Variants in ATRNL1 observed in about 807,000 individuals in gnomAD.
ATRNL1 encodes attractin-like protein 1.
A neutral mutation model predicts 182.7 loss-of-function variants in ATRNL1; 95 were observed. That is an observed-to-expected ratio of 0.52 (90% CI 0.44 to 0.62). ATRNL1 has a LOEUF of 0.62. Ranked by LOEUF, ATRNL1 falls within the 20% of genes least tolerant of loss-of-function variation. The pLI is 0.00. For missense variants in ATRNL1, 1,471 were observed against 1,679.5 expected, an observed-to-expected ratio of 0.88 and a Z score of 2.17; for synonymous variants, 576 against 568.3, an observed-to-expected ratio of 1.01 and a Z score of -0.19.
At chr10:115,237,309 G>A (rs1446498066) in intron 9 of ATRNL1, among the ~76,000 whole-genome samples, 1 of 152,202 alleles carries the variant, frequency 6.6e-6, no homozygotes, top group African/African-American at 2.4e-5. Flanking sequence ...TTAGTTTTGT[G>A]AGAAACTGCC....
chr10:115,446,574 A>G (rs1427740195), intron 21 of ATRNL1, among the ~76,000 whole-genome samples: 1 of 151,918 alleles, frequency 6.6e-6, no homozygotes, highest in Non-Finnish European at 1.5e-5. Flanking sequence ...TGTCAAATTG[A>G]GATTTTGCTC....
At chr10:115,242,748 G>A (rs1169140243) in intron 10 of ATRNL1, among the ~76,000 whole-genome samples, 1 of 151,984 alleles carries the variant, frequency 6.6e-6, no homozygotes, top group Non-Finnish European at 1.5e-5. Flanking sequence ...GAAATTCCTA[G>A]TAGTAAAGTT....
At chr10:115,919,437 G>C (rs1344828154) in intron 28 of ATRNL1, among the ~76,000 whole-genome samples, 1 of 152,028 alleles carries the variant, frequency 6.6e-6, no homozygotes, top group Non-Finnish European at 1.5e-5. Context: ...TCAGTGATAG[G>C]TACAGAAGGC....
chr10:115,503,536 A>G (rs150264923), intron 24 of ATRNL1, among the ~76,000 whole-genome samples: 2 of 146,124 alleles, frequency 1.4e-5, no homozygotes, highest in Non-Finnish European at 2.9e-5. Flanking sequence ...TTAAAATCTC[A>G]TATAATTTAT....
chr10:115,534,211 G>A (rs1851802231), intron 25 of ATRNL1, among the ~76,000 whole-genome samples: 1 of 151,226 alleles, frequency 6.6e-6, no homozygotes, highest in South Asian at 2.1e-4. Context: ...GGGTGTTAAA[G>A]TCTCCCATTA....
intron 28 of ATRNL1, among the ~76,000 whole-genome samples, chr10:115,931,261 G>T (rs755279736): frequency 6.6e-6 from 1 of 151,822 alleles, no homozygotes; most frequent in Non-Finnish European, 1.5e-5. Context: ...TTAGGATTTC[G>T]GATTAAGAGA....
At chr10:115,344,470 G>A (rs1174861164) in intron 19 of ATRNL1, among the ~76,000 whole-genome samples, 9 of 151,972 alleles carry the variant, frequency 5.9e-5, no homozygotes, top group Non-Finnish European at 1.3e-4. Flanking sequence ...AAGGCCTAAG[G>A]GCTCTTAAGT....
intron 19 of ATRNL1, among the ~76,000 whole-genome samples, chr10:115,347,322 G>T (rs991791159): frequency 6.6e-6 from 1 of 152,088 alleles, no homozygotes. Context: ...ATATTTTGCT[G>T]TCTATGACTT....
intron 24 of ATRNL1, among the ~76,000 whole-genome samples, chr10:115,490,574 G>C (rs773654257): frequency 6.6e-6 from 1 of 152,004 alleles, no homozygotes; most frequent in Non-Finnish European, 1.5e-5. Flanking sequence ...AGCTCCATCA[G>C]GTCATTTATG....
chr10:115,840,228 AT>A (rs1950772687), intron 27 of ATRNL1, among the ~76,000 whole-genome samples: 1 of 152,022 alleles, frequency 6.6e-6, no homozygotes, highest in Non-Finnish European at 1.5e-5. Context: ...TTGGGATTAG[AT>A]TTTTCCTACC....
chr10:115,559,455 C>T (rs1425206680), intron 26 of ATRNL1, among the ~76,000 whole-genome samples: 8 of 80,718 alleles, frequency 9.9e-5, no homozygotes, highest in African/African-American at 3.5e-4. Context: ...CGCGCGCGCA[C>T]GCACGCACAT....
chr10:115,723,903 A>G (rs1239032007), intron 26 of ATRNL1, among the ~76,000 whole-genome samples: 2 of 152,134 alleles, frequency 1.3e-5, no homozygotes, highest in Non-Finnish European at 2.9e-5. Flanking sequence ...AGAGATTTTG[A>G]ATAGCAAAAC....
chr10:115,514,395 TCTTTA>T (rs1554983390), intron 24 of ATRNL1, among the ~76,000 whole-genome samples: 1 of 151,996 alleles, frequency 6.6e-6, no homozygotes, highest in African/African-American at 2.4e-5. Context: ...ATGTTTTGGT[TCTTTA>T]CTTCCTGACT....
chr10:115,403,677 C>A (rs1286541251), intron 20 of ATRNL1, among the ~76,000 whole-genome samples: 1 of 152,122 alleles, frequency 6.6e-6, no homozygotes, highest in Non-Finnish European at 1.5e-5. Flanking sequence ...GTCTCAAACT[C>A]CTGACCTCAA....
intron 27 of ATRNL1, among the ~76,000 whole-genome samples, chr10:115,844,362 G>A (rs1555098184): frequency 6.6e-6 from 1 of 152,038 alleles, no homozygotes; most frequent in African/African-American, 2.4e-5. Context: ...TTTACCCATT[G>A]ATGTTTTCCA....
intron 11 of ATRNL1, 33 bp from the exon 12 acceptor site, chr10:115,266,764 G>T (rs571547211): frequency 1.5e-6 from 2 of 1,335,360 alleles, no homozygotes; most frequent in East Asian, 2.3e-5. Flanking sequence ...TTTTAATAGC[G>T]TTTCTTTAAG....
At chr10:115,906,799 C>T (rs1048296932) in intron 28 of ATRNL1, among the ~76,000 whole-genome samples, 4 of 151,854 alleles carry the variant, frequency 2.6e-5, no homozygotes, top group Non-Finnish European at 4.4e-5. Context: ...AATTGAACTT[C>T]GTAAATTTTG....
At chr10:115,543,747 T>C (rs533777726) in intron 25 of ATRNL1, among the ~76,000 whole-genome samples, 2 of 152,030 alleles carry the variant, frequency 1.3e-5, no homozygotes, top group Admixed American at 6.5e-5. Context: ...GATTACCTAA[T>C]AAGTTCCATT....
rs573159070 is a variant in ATRNL1, at chr10:115,744,069, G to A, written c.3903+16714G>A. 7.2e-5 allele frequency among the ~76,000 whole-genome samples: 11 copies of A among 152,062 alleles called. No individual in the cohort carries two copies. In the East Asian group the frequency reaches 1.9e-3, roughly 27 times the overall value. On this transcript the variant is annotated intron_variant, in intron 27 of 28. Transcript: ENST00000355044. Reference sequence around the variant, plus strand: ...TTTTGCTTATAACTTCCTGTTAGAAGAAGCATTCTTTCAAAACTTTTAAAA... The same window carrying A: ...TTTTGCTTATAACTTCCTGTTAGAAAAAGCATTCTTTCAAAACTTTTAAAA...
Sources: allele counts gnomAD v4.1 joint callset (sites outside exome capture counted in the v4.1 genomes callset), GRCh38; gene constraint gnomAD v4.1.1; transcripts MANE v1.5; gene names NCBI Gene and HGNC (gene_info 2026-07-23, HGNC 2026-07-21).